The following REEP6 variants were observed in gnomAD, a reference collection of about 807,000 sequenced individuals.
REEP6 encodes receptor accessory protein 6, also known as receptor expression-enhancing protein 6.
In REEP6, 19 loss-of-function variants were observed where a neutral mutation model predicts 22.4. The observed-to-expected ratio is 0.85, with a 90% CI of 0.59 to 1.25. The LOEUF (loss-of-function observed/expected upper bound fraction) is 1.25, where lower values mean the gene tolerates loss of function less well. REEP6 is among the 50% of genes most tolerant of loss of function. The pLI, the probability that REEP6 is intolerant of heterozygous loss-of-function variation, is 0.00. For synonymous variants in REEP6, 121 were observed against 113.6 expected, an observed-to-expected ratio of 1.06 and a Z score of -0.41; for missense variants, 273 against 251.9, an observed-to-expected ratio of 1.08 and a Z score of -0.57.
chr19:1,496,511 C>T (rs1208325122), intron 4 of REEP6, 58 bp downstream of exon 4: 12 of 1,577,122 alleles, frequency 7.6e-6, no homozygotes, highest in Admixed American at 1.7e-5. Flanking sequence ...GGACCTGTCT[C>T]TCTCCACCTT....
rs1599273741 is a variant in REEP6 at position 1,497,025 on chromosome 19, G to A, written c.518-149G>A. The A allele has an allele frequency of 1.3e-5, 8 of 634,980 alleles. No homozygotes were observed. The East Asian group carries it at 2.2e-4, about 18-fold the overall frequency. The allele number at this position is 634,980 out of a possible 1,614,324, so 39.3% of individuals were successfully genotyped here. A position where few individuals can be genotyped will look rare whatever the true frequency, so the allele number is the denominator to read the frequency against. On this transcript the variant is annotated intron_variant, in intron 4 of 4. Coordinates refer to ENST00000233596, the MANE Select transcript of REEP6 (RefSeq NM_138393.4). This position sits in a 1 kb window ranked among gnomAD's most constrained non-coding sequence, Gnocchi z 6.5. Reference sequence around the variant, plus strand: ...TGCATGGGTGACCATGAAAGCCTCTGTGTGGTTGACACCATCTCTGCTGAG... The same window carrying A: ...TGCATGGGTGACCATGAAAGCCTCTATGTGGTTGACACCATCTCTGCTGAG...
chr19:1,491,475 G>A lies in REEP6; in HGVS notation c.115+91G>A. On this transcript the variant is annotated intron_variant, in intron 1 of 4. Transcript: ENST00000233596. The surrounding 1 kb of genome is among the most constrained non-coding windows in gnomAD (Gnocchi z 5.4). Reference sequence around the variant, plus strand: ...GACCGGACTCCTTCCCCGGCTACGGGGTCCGGTCCGGCCGGTGGAGCGCGC... The same window carrying A: ...GACCGGACTCCTTCCCCGGCTACGGAGTCCGGTCCGGCCGGTGGAGCGCGC... The A allele has an allele frequency of 1.1e-6, 1 of 917,432 alleles. No individual in the cohort carries two copies. Among genetic ancestry groups the A allele is most frequent in the Non-Finnish European group, 1.5e-6 (1 of 667,362 alleles). 56.8% of individuals were successfully genotyped at this position (917,432 alleles called of 1,614,324 possible).
chr19:1,496,559 C>A, intron 4 of REEP6, 106 bp downstream of exon 4: 2 of 1,298,460 alleles, frequency 1.5e-6, no homozygotes, highest in South Asian at 1.3e-5. Context: ...CTCTCACTGT[C>A]CGCCTCTCTC....
chr19:1,497,095 C>A lies in REEP6; in HGVS notation c.518-79C>A. On this transcript the variant is annotated intron_variant, in intron 4 of 4. Coordinates refer to ENST00000233596, the MANE Select transcript of REEP6 (RefSeq NM_138393.4). This position sits in a 1 kb window ranked among gnomAD's most constrained non-coding sequence, Gnocchi z 6.5. ...GACTTGTCATGCTCATAGCCAGTAG[C>A]CTCAGTCCCGCCTGCGAGCAGCTCC... 8.4e-7 allele frequency: 1 copy of A among 1,185,052 alleles called. No individual in the cohort carries two copies. Among genetic ancestry groups the A allele is most frequent in the Non-Finnish European group, 1.2e-6 (1 of 863,372 alleles). The allele number at this position is 1,185,052 out of a possible 1,614,324, so 73.4% of individuals were successfully genotyped here. A position where few individuals can be genotyped will look rare whatever the true frequency, so the allele number is the denominator to read the frequency against.
intron 1 of REEP6, among the ~76,000 whole-genome samples, chr19:1,493,708 G>GACACACACACACACACACACACACAC (rs55971424): frequency 0.19 from 26,316 of 140,368 alleles, 2,844 homozygotes; most frequent in East Asian, 0.28. Flanking sequence ...GGCTGAGCTG[G>GACACACACACACACACACACACACAC]ACACACACAC....
chr19:1,495,416 G>T lies in REEP6; in HGVS notation c.209+29G>T, dbSNP rs375364442. The T allele has an allele frequency of 1.7e-5, 27 of 1,613,674 alleles. No individual in the cohort carries two copies. In the African/African-American group the frequency reaches 3.2e-4, roughly 19 times the overall value. ...AGTGCACGGCTGGCTGCCCACGCGG[G>T]GGGTTCTGGGGGCTCCCTGGCAGCC... On this transcript the variant is annotated intron_variant, in intron 2 of 4. Coordinates refer to ENST00000233596, the MANE Select transcript of REEP6 (RefSeq NM_138393.4).
At chr19:1,496,733 T>TGG in intron 4 of REEP6, 1 of 635,918 alleles carries the variant, frequency 1.6e-6, no homozygotes, top group Non-Finnish European at 2.9e-6. Flanking sequence ...CGCGCGCGCG[T>TGG]GTGTTTGAGC....
chr19:1,495,761 G>C, intron 3 of REEP6, 154 bp downstream of exon 3: 1 of 1,050,268 alleles, frequency 9.5e-7, no homozygotes. Flanking sequence ...CCTGTCCGGG[G>C]GCTGATGGTG....
chr19:1,493,557 T>C (rs1599269953), intron 1 of REEP6, among the ~76,000 whole-genome samples: 1 of 152,138 alleles, frequency 6.6e-6, no homozygotes, highest in East Asian at 1.9e-4. Context: ...ATAGGTTCCC[T>C]GTGTGACCTT....
rs556704369 is a variant in REEP6, at chr19:1,497,566, C to T, written c.*355C>T. On this transcript the variant is annotated 3_prime_UTR_variant, in exon 5 of 5. Coordinates refer to ENST00000233596, the MANE Select transcript of REEP6 (RefSeq NM_138393.4). The surrounding 1 kb of genome is among the most constrained non-coding windows in gnomAD (Gnocchi z 6.5). Reference sequence around the variant, plus strand: ...TCCAGCCCCTCCCAGTCAGCCCTCCCGTCCTCGGGGCCCCTGCAGCCACCC... The same window carrying T: ...TCCAGCCCCTCCCAGTCAGCCCTCCTGTCCTCGGGGCCCCTGCAGCCACCC... The T allele has an allele frequency of 1.4e-5, 8 of 571,420 alleles. No homozygotes were observed. The highest frequency in any genetic ancestry group is 3.7e-5 in the African/African-American group (2 of 53,718). 35.4% of individuals were successfully genotyped at this position (571,420 alleles called of 1,614,324 possible).
In REEP6 at chr19:1,491,231, G is replaced by A. The variant is rs1266402738; in HGVS notation, c.-39G>A. On this transcript the variant is annotated 5_prime_UTR_variant, in exon 1 of 5. Transcript: ENST00000233596. The surrounding 1 kb of genome is among the most constrained non-coding windows in gnomAD (Gnocchi z 5.4). ...CAGCGGGGTGGGTGCCCTGGTCCGC[G>A]GGCGAGCTCGAGCAGCCAACCCCGG... 5.0e-6 allele frequency: 7 copies of A among 1,398,516 alleles called. No homozygotes were observed. The highest frequency in any genetic ancestry group is 6.6e-6 in the Non-Finnish European group (7 of 1,053,884). 86.6% of individuals were successfully genotyped at this position (1,398,516 alleles called of 1,614,324 possible).
rs764104524 is a variant in REEP6 at position 1,491,681 on chromosome 19, G to A, written c.115+297G>A. Reference sequence around the variant, plus strand: ...TCCAGTTGCCCAGTGGCCCCAGAGGGGTCGGGATGCCAGTGTCCTGCGCGT... The same window carrying A: ...TCCAGTTGCCCAGTGGCCCCAGAGGAGTCGGGATGCCAGTGTCCTGCGCGT... On this transcript the variant is annotated intron_variant, in intron 1 of 4. Transcript: ENST00000233596. The surrounding 1 kb of genome is among the most constrained non-coding windows in gnomAD (Gnocchi z 5.4). 1.3e-5 allele frequency among the ~76,000 whole-genome samples: 2 copies of A among 152,230 alleles called. No individual in the cohort carries two copies. The highest frequency in any genetic ancestry group is 2.9e-5 in the Non-Finnish European group (2 of 68,036).
At chr19:1,495,083 G>A (rs570767356) in intron 1 of REEP6, among the ~76,000 whole-genome samples, 1 of 152,352 alleles carries the variant, frequency 6.6e-6, no homozygotes, top group African/African-American at 2.4e-5. Context: ...TGGGGGACAT[G>A]GACACGTTGA....
Position 1,497,041 on chromosome 19 carries a change from C to T in REEP6, c.518-133C>T, listed in dbSNP as rs1163258019. 1 of 689,088 alleles carries T rather than the reference C, an allele frequency of 1.5e-6. No homozygotes were observed. Among genetic ancestry groups the T allele is most frequent in the African/African-American group, 1.8e-5 (1 of 55,576 alleles). The allele number at this position is 689,088 out of a possible 1,614,324, so 42.7% of individuals were successfully genotyped here. ...AAAGCCTCTGTGTGGTTGACACCAT[C>T]TCTGCTGAGGGTGGCTGCCCGGCCC... On this transcript the variant is annotated intron_variant, in intron 4 of 4. Coordinates refer to ENST00000233596, the MANE Select transcript of REEP6 (RefSeq NM_138393.4). The surrounding 1 kb of genome is among the most constrained non-coding windows in gnomAD (Gnocchi z 6.5).
In REEP6 at chr19:1,495,493, C is replaced by T. The variant is rs2084998429; in HGVS notation, c.234C>T (p.Ser78=). The change falls in exon 3 of 5, where the codon AGC becomes AGT. Residue 78 remains serine, a synonymous_variant. Coordinates refer to ENST00000233596, the MANE Select transcript of REEP6 (RefSeq NM_138393.4). ...GAATCAAAGCTATCGAGAGCCCAAG[C>T]AAGGACGACGACACTGTGTGGCTCA... ...YASIKAIESP[S]KDDDTVWLTY... 2 of 1,614,042 alleles carry T rather than the reference C, an allele frequency of 1.2e-6. No individual in the cohort carries two copies. The highest frequency in any genetic ancestry group is 1.3e-5 in the African/African-American group (1 of 75,076).
At chr19:1,496,204 T>C in intron 3 of REEP6, 81 bp from the exon 4 acceptor site, 1 of 1,489,608 alleles carries the variant, frequency 6.7e-7, no homozygotes. Context: ...GATGGGCATC[T>C]GGTGGAGTGG....
intron 1 of REEP6, among the ~76,000 whole-genome samples, chr19:1,492,553 A>C (rs2084972166): frequency 7.2e-5 from 11 of 152,168 alleles, no homozygotes; most frequent in Admixed American, 7.2e-4. Flanking sequence ...TTACAGGTGG[A>C]AGCCACTGCA....
Position 1,497,237 on chromosome 19 carries a change from C to A in REEP6, c.*26C>A. ...AGCAGCCCCCTGAGCCTCACAAGGA[C>A]CTCCTGGCTGGTGAGGAGGGGGCCG... On this transcript the variant is annotated 3_prime_UTR_variant, in exon 5 of 5. Transcript: ENST00000233596. This position sits in a 1 kb window ranked among gnomAD's most constrained non-coding sequence, Gnocchi z 6.5. 6.4e-7 allele frequency: 1 copy of A among 1,555,716 alleles called. No individual in the cohort carries two copies. Among genetic ancestry groups the A allele is most frequent in the South Asian group, 1.2e-5 (1 of 83,824 alleles).
Position 1,496,063 on chromosome 19 carries a change from C to T in REEP6, c.349-222C>T, listed in dbSNP as rs73920957. 2,220 of 573,638 alleles carry T rather than the reference C, an allele frequency of 3.9e-3. 33 individuals are homozygous for T. The highest frequency in any genetic ancestry group is 0.037 in the African/African-American group (1,944 of 52,536). 35.5% of individuals were successfully genotyped at this position (573,638 alleles called of 1,614,324 possible). ...GAGACCCAGGCCTGTCCCAGTAGGA[C>T]GTCTGATGGTGGAGGGCTCACTCTA... is the stretch of plus-strand genomic sequence containing the variant. On this transcript the variant is annotated intron_variant, in intron 3 of 4. Coordinates refer to ENST00000233596, the MANE Select transcript of REEP6 (RefSeq NM_138393.4).
Sources: gnomAD v4.1 joint callset for allele counts (sites outside exome capture counted in the v4.1 genomes callset) on GRCh38, gnomAD v4.1.1 for gene constraint, Gnocchi (gnomAD v3.1) non-coding constraint, MANE v1.5 for transcripts, NCBI Gene and HGNC (gene_info 2026-07-23, HGNC 2026-07-21) for gene names.